LIPC: variants seen among roughly 807,000 people sequenced by gnomAD.
LIPC encodes lipase C, hepatic type.
LIPC carries 44 observed loss-of-function variants against 50.7 expected under a neutral mutation model. That is an observed-to-expected ratio of 0.87 (90% CI 0.68 to 1.11). The LOEUF (loss-of-function observed/expected upper bound fraction) is 1.11. Among genes scored for constraint, LIPC ranks in the 50% most tolerant of loss-of-function variants. LIPC has a pLI of 0.00. For missense variants in LIPC, 697 were observed against 648.2 expected, an observed-to-expected ratio of 1.08 and a Z score of -0.82; for synonymous variants, 271 against 256.4, an observed-to-expected ratio of 1.06 and a Z score of -0.54.
At position 58,565,528 on chromosome 15, in the gene LIPC, T is replaced by A. The variant is rs571102680; in HGVS notation, c.1388+1805T>A. On this transcript the variant is annotated intron_variant, in intron 8 of 8. Transcript: ENST00000299022. ...GCTCCATGGCATTGGTCTCACGTGA[T>A]CTTTGCTGTGATCCTGAAATGGGTA... 8.1e-4 allele frequency: 1,058 copies of A among 1,305,352 alleles called. 1 individual carries two copies. The highest frequency in any genetic ancestry group is 9.8e-4 in the Non-Finnish European group (997 of 1,022,036). The allele number at this position is 1,305,352 out of a possible 1,614,324, so 80.9% of individuals were successfully genotyped here. A position where few individuals can be genotyped will look rare whatever the true frequency, so the allele number is the denominator to read the frequency against.
At chr15:58,537,547 C>T (rs1893170021) in intron 1 of LIPC, among the ~76,000 whole-genome samples, 1 of 152,182 alleles carries the variant, frequency 6.6e-6, no homozygotes, top group Non-Finnish European at 1.5e-5. Flanking sequence ...TCCCAGGGCC[C>T]TCCATGCTCT....
intron 1 of LIPC, among the ~76,000 whole-genome samples, chr15:58,510,429 G>A (rs1441048876): frequency 1.3e-5 from 2 of 152,194 alleles, no homozygotes; most frequent in Non-Finnish European, 2.9e-5. Context: ...ACATAAAAAG[G>A]CACAGAGACA....
At chr15:58,536,779 T>C in intron 1 of LIPC, among the ~76,000 whole-genome samples, 1 of 152,264 alleles carries the variant, frequency 6.6e-6, no homozygotes. Flanking sequence ...TAATAAAATA[T>C]GATGCATTTC....
intron 1 of LIPC, chr15:58,473,784 T>A (rs1021541224): frequency 6.6e-6 from 1 of 152,344 alleles, no homozygotes; most frequent in Non-Finnish European, 1.5e-5. Flanking sequence ...AAGACATGGC[T>A]CCATCCCAGG....
At chr15:58,513,343 G>C (rs1595910780) in intron 1 of LIPC, among the ~76,000 whole-genome samples, 1 of 152,214 alleles carries the variant, frequency 6.6e-6, no homozygotes, top group South Asian at 2.1e-4. Flanking sequence ...GGACAAACTA[G>C]AAGAAACTCT....
At chr15:58,508,731 TTTG>T (rs1424392263) in intron 1 of LIPC, among the ~76,000 whole-genome samples, 1 of 58,350 alleles carries the variant, frequency 1.7e-5, no homozygotes, top group African/African-American at 1.0e-4. Flanking sequence ...CCAGTTTTTT[TTTG>T]GACACCTTTT....
intron 1 of LIPC, among the ~76,000 whole-genome samples, chr15:58,496,389 A>C (rs1045803786): frequency 1.3e-5 from 2 of 152,194 alleles, no homozygotes; most frequent in Non-Finnish European, 2.9e-5. Flanking sequence ...ACAAGCAGTC[A>C]TCTACAGTTG....
At chr15:58,487,626 A>G (rs1319811892) in intron 1 of LIPC, among the ~76,000 whole-genome samples, 1 of 152,230 alleles carries the variant, frequency 6.6e-6, no homozygotes, top group Non-Finnish European at 1.5e-5. Context: ...CAAGCTAATT[A>G]TTGCAATTCC....
At chr15:58,496,272 C>A (rs1350184687) in intron 1 of LIPC, among the ~76,000 whole-genome samples, 1 of 152,158 alleles carries the variant, frequency 6.6e-6, no homozygotes, top group Non-Finnish European at 1.5e-5. Context: ...CACCAGACAG[C>A]CTTCACAGTA....
At chr15:58,533,989 C>A (rs537249869) in intron 1 of LIPC, among the ~76,000 whole-genome samples, 1 of 152,226 alleles carries the variant, frequency 6.6e-6, no homozygotes, top group Admixed American at 6.5e-5. Context: ...ACTGGGCAGA[C>A]AAAGGAGATC....
At position 58,485,442 on chromosome 15, in the gene LIPC, G is replaced by A. The variant is rs111983617; in HGVS notation, c.89-52891G>A. 9.2e-3 allele frequency among the ~76,000 whole-genome samples: 1,408 copies of A among 152,242 alleles called. 15 individuals carry two copies. Among genetic ancestry groups the A allele is most frequent in the Middle Eastern group, 0.02 (6 of 294 alleles). ...GGGTGCCGGAGGGGAAGAAAGTCCC[G>A]TGCAACAGCCACATGCAATGTTCAT... is the stretch of plus-strand genomic sequence containing the variant. On this transcript the variant is annotated intron_variant, in intron 1 of 8. Coordinates refer to ENST00000299022, the MANE Select transcript of LIPC (RefSeq NM_000236.3).
intron 1 of LIPC, among the ~76,000 whole-genome samples, chr15:58,449,635 C>T (rs1420758951): frequency 2.6e-5 from 4 of 151,920 alleles, no homozygotes; most frequent in African/African-American, 7.3e-5. Context: ...CTGCAAACTC[C>T]GCCTCCAGCT....
intron 1 of LIPC, among the ~76,000 whole-genome samples, chr15:58,461,955 G>A (rs1226601913): frequency 7.9e-6 from 1 of 126,294 alleles, no homozygotes; most frequent in Admixed American, 8.7e-5. Context: ...CACCCCCACA[G>A]TTCAAACCTG....
chr15:58,467,682 A>G (rs1255087262), intron 1 of LIPC, among the ~76,000 whole-genome samples: 1 of 152,232 alleles, frequency 6.6e-6, no homozygotes, highest in Non-Finnish European at 1.5e-5. Context: ...CAAATGCAGT[A>G]AATGAGTCCT....
chr15:58,556,073 C>G (rs1893938437), intron 6 of LIPC, among the ~76,000 whole-genome samples: 1 of 152,124 alleles, frequency 6.6e-6, no homozygotes, highest in African/African-American at 2.4e-5. Context: ...TGGGCACTAC[C>G]CAGCAGGGCA....
chr15:58,510,603 C>A (rs1349084606), intron 1 of LIPC, among the ~76,000 whole-genome samples: 1 of 152,174 alleles, frequency 6.6e-6, no homozygotes, highest in African/African-American at 2.4e-5. Flanking sequence ...AGCAAAGCAA[C>A]TAAGAGTAGG....
At position 58,485,510 on chromosome 15, in the gene LIPC, G is replaced by T. The variant is rs371137405; in HGVS notation, c.89-52823G>T. The stretch of plus-strand genomic sequence containing the variant: ...GGCTGCTTCAGGGCTCCAGACCCTC[G>T]CACGTGCTGATCTCGGGCTAAGGGC... On this transcript the variant is annotated intron_variant, in intron 1 of 8. Coordinates refer to ENST00000299022, the MANE Select transcript of LIPC (RefSeq NM_000236.3). Among the ~76,000 whole-genome samples the T allele has an allele frequency of 4.5e-5, 6 of 131,960 alleles. No individual in the cohort carries two copies. In the South Asian group the frequency reaches 1.0e-3, roughly 22 times the overall value. The allele number at this position is 131,960 out of a possible 152,430, so 86.6% of individuals were successfully genotyped here.
rs538310407 is a variant in LIPC at position 58,540,316 on chromosome 15, C to A, written c.274-1469C>A. Reference sequence around the variant, plus strand: ...TTAATAACAACAACAACTGCAGTAACGAACATTTGTTGAGTCCTTACTATG... The same window carrying A: ...TTAATAACAACAACAACTGCAGTAAAGAACATTTGTTGAGTCCTTACTATG... On this transcript the variant is annotated intron_variant, in intron 2 of 8. Coordinates refer to ENST00000299022, the MANE Select transcript of LIPC (RefSeq NM_000236.3). Among the ~76,000 whole-genome samples the A allele has an allele frequency of 5.3e-5, 8 of 152,294 alleles. No homozygotes were observed. The South Asian group carries it at 1.4e-3, about 28-fold the overall frequency.
At chr15:58,477,157 T>C (rs1891027400) in intron 1 of LIPC, among the ~76,000 whole-genome samples, 1 of 152,234 alleles carries the variant, frequency 6.6e-6, no homozygotes. Context: ...TAGCAGGTTG[T>C]CTGTATGTAG....
Sources: gnomAD v4.1 joint callset for allele counts (sites outside exome capture counted in the v4.1 genomes callset) on GRCh38, gnomAD v4.1.1 for gene constraint, MANE v1.5 for transcripts, NCBI Gene and HGNC (gene_info 2026-07-23, HGNC 2026-07-21) for gene names.